GABRG3: variants seen among roughly 807,000 people sequenced by gnomAD.
The protein encoded by GABRG3 is gamma-aminobutyric acid type A receptor subunit gamma3, also known as gamma-aminobutyric acid receptor subunit gamma-3.
A neutral mutation model predicts 48.8 loss-of-function variants in GABRG3; 25 were observed. The observed-to-expected ratio is 0.51, with a 90% CI of 0.37 to 0.72. The LOEUF is 0.72. Among genes scored for constraint, GABRG3 ranks in the 30% least tolerant of loss-of-function variants. GABRG3 has a pLI of 0.00. For synonymous variants in GABRG3, 227 were observed against 217.6 expected, an observed-to-expected ratio of 1.04 and a Z score of -0.38; for missense variants, 394 against 577.9, an observed-to-expected ratio of 0.68 and a Z score of 3.26.
intron 3 of GABRG3, among the ~76,000 whole-genome samples, chr15:27,234,008 C>T (rs1566974328): frequency 6.6e-6 from 1 of 152,146 alleles, no homozygotes; most frequent in Non-Finnish European, 1.5e-5. Context: ...CAGACAATCA[C>T]CTATGGGAGA....
In GABRG3 at chr15:27,387,360, G is replaced by A. The variant is rs539551486; in HGVS notation, c.574+58472G>A. Among the ~76,000 whole-genome samples the A allele has an allele frequency of 2.6e-5, 4 of 152,098 alleles. No individual in the cohort carries two copies. The East Asian group carries it at 5.8e-4, about 22-fold the overall frequency. The stretch of plus-strand genomic sequence containing the variant: ...TCTATTGTTTTAGCAAGAAATAAAT[G>A]GGTTAGTTTTTGAGTGCACATTCTG... On this transcript the variant is annotated intron_variant, in intron 5 of 9. Coordinates refer to ENST00000615808, the MANE Select transcript of GABRG3 (RefSeq NM_033223.5).
intron 6 of GABRG3, among the ~76,000 whole-genome samples, chr15:27,509,895 TG>T (rs1399869160): frequency 3.3e-5 from 5 of 152,256 alleles, no homozygotes; most frequent in African/African-American, 1.2e-4. Flanking sequence ...TTTTGGTTTT[TG>T]TATGTCCCAT....
chr15:27,024,050 T>C (rs2140680019), intron 2 of GABRG3, among the ~76,000 whole-genome samples: 1 of 152,356 alleles, frequency 6.6e-6, no homozygotes, highest in East Asian at 1.9e-4. Context: ...GTGGTTTTGA[T>C]TTGCATTTCC....
chr15:27,351,092 G>A (rs1894559269), intron 5 of GABRG3, among the ~76,000 whole-genome samples: 1 of 149,782 alleles, frequency 6.7e-6, no homozygotes, highest in East Asian at 2.0e-4. Flanking sequence ...TATAGTGTGT[G>A]TATGGTGTGT....
intron 3 of GABRG3, among the ~76,000 whole-genome samples, chr15:27,204,126 TC>T (rs1888776496): frequency 6.6e-6 from 1 of 152,070 alleles, no homozygotes; most frequent in African/African-American, 2.4e-5. Context: ...TTTGCCACAG[TC>T]CATGTCCAGT....
Position 26,971,928 on chromosome 15 carries a change from T to C in GABRG3, c.53+340T>C, listed in dbSNP as rs919317106. Among the ~76,000 whole-genome samples the C allele has an allele frequency of 2.6e-5, 4 of 152,090 alleles. No individual in the cohort carries two copies. In the East Asian group the frequency reaches 7.7e-4, roughly 29 times the overall value. On this transcript the variant is annotated intron_variant, in intron 1 of 9. Coordinates refer to ENST00000615808, the MANE Select transcript of GABRG3 (RefSeq NM_033223.5). ...ACCGACCCCTAATTCCCACCTCAGC[T>C]GTTTCAGGGGCTCACACACACACAC...
intron 3 of GABRG3, among the ~76,000 whole-genome samples, chr15:27,166,926 G>T (rs145308955): frequency 3.7e-4 from 56 of 152,232 alleles, no homozygotes; most frequent in African/African-American, 1.3e-3. Context: ...GTTGCAACAA[G>T]ACTCTTTATT....
intron 3 of GABRG3, among the ~76,000 whole-genome samples, chr15:27,088,918 C>G (rs1369371457): frequency 6.6e-6 from 1 of 152,032 alleles, no homozygotes; most frequent in Non-Finnish European, 1.5e-5. Context: ...AGGATCACAG[C>G]CTTGGCTGGG....
chr15:27,374,649 G>A (rs1442518905), intron 5 of GABRG3, among the ~76,000 whole-genome samples: 1 of 152,146 alleles, frequency 6.6e-6, no homozygotes, highest in Non-Finnish European at 1.5e-5. Flanking sequence ...AGGTGACCAA[G>A]GAAGCAAAGG....
At chr15:26,986,896 T>C (rs1302462503) in intron 2 of GABRG3, among the ~76,000 whole-genome samples, 3 of 152,186 alleles carry the variant, frequency 2.0e-5, no homozygotes, top group African/African-American at 7.2e-5. Flanking sequence ...ATCCCACCAG[T>C]TACCAGCAGG....
intron 3 of GABRG3, among the ~76,000 whole-genome samples, chr15:27,161,766 C>A (rs1185310790): frequency 6.6e-6 from 1 of 151,992 alleles, no homozygotes; most frequent in East Asian, 1.9e-4. Flanking sequence ...ATACTGATAT[C>A]TAGTTGCTAC....
intron 3 of GABRG3, among the ~76,000 whole-genome samples, chr15:27,094,265 C>T (rs1045140585): frequency 6.6e-6 from 1 of 152,128 alleles, no homozygotes; most frequent in African/African-American, 2.4e-5. Context: ...CCTCATTACT[C>T]CTTTGGAGAC....
intron 3 of GABRG3, among the ~76,000 whole-genome samples, chr15:27,285,671 C>T (rs1405890798): frequency 1.3e-5 from 2 of 152,152 alleles, no homozygotes; most frequent in Non-Finnish European, 2.9e-5. Flanking sequence ...GACAGAGGCA[C>T]TGCCATTAGA....
intron 1 of GABRG3, 88 bp downstream of exon 1, chr15:26,971,676 C>T (rs1423250872): frequency 7.1e-7 from 1 of 1,399,112 alleles, no homozygotes; most frequent in Non-Finnish European, 9.3e-7. Flanking sequence ...CCCTGGCGCG[C>T]CAGCCGTCGG....
At chr15:27,125,172 A>G (rs897106477) in intron 3 of GABRG3, among the ~76,000 whole-genome samples, 1 of 152,250 alleles carries the variant, frequency 6.6e-6, no homozygotes, top group Non-Finnish European at 1.5e-5. Flanking sequence ...AATGAAATGT[A>G]TCGCTGTTTT....
intron 2 of GABRG3, among the ~76,000 whole-genome samples, chr15:26,994,866 C>G (rs1057379509): frequency 6.6e-6 from 1 of 151,842 alleles, no homozygotes; most frequent in East Asian, 1.9e-4. Context: ...TGTTTTATGG[C>G]TTAGCATAAG....
chr15:27,179,139 G>A lies in GABRG3; in HGVS notation c.271-147670G>A, dbSNP rs918509440. On this transcript the variant is annotated intron_variant, in intron 3 of 9. Coordinates refer to ENST00000615808, the MANE Select transcript of GABRG3 (RefSeq NM_033223.5). The surrounding 1 kb of genome is among the most constrained non-coding windows in gnomAD (Gnocchi z 4.0). ...AAACAAATAAACAAAGAAAACTCATGGAAGCTTACAAGTCAGAAATTATGA... is the reference window on the plus strand; with the variant it reads ...AAACAAATAAACAAAGAAAACTCATAGAAGCTTACAAGTCAGAAATTATGA... 6.6e-6 allele frequency among the ~76,000 whole-genome samples: 1 copy of A among 152,132 alleles called. No individual in the cohort carries two copies. The highest frequency in any genetic ancestry group is 1.5e-5 in the Non-Finnish European group (1 of 68,006).
intron 2 of GABRG3, among the ~76,000 whole-genome samples, chr15:26,988,143 T>C (rs1895183713): frequency 3.3e-5 from 5 of 152,208 alleles, no homozygotes; most frequent in Admixed American, 3.3e-4. Context: ...TGCAGTTGTT[T>C]CATAAATTAG....
At chr15:27,121,097 C>A (rs1897723205) in intron 3 of GABRG3, among the ~76,000 whole-genome samples, 1 of 152,122 alleles carries the variant, frequency 6.6e-6, no homozygotes. Flanking sequence ...TAGCAAAATT[C>A]TTTTAGACAA....
Sources: allele counts gnomAD v4.1 joint callset (sites outside exome capture counted in the v4.1 genomes callset), GRCh38; gene constraint gnomAD v4.1.1; non-coding constraint Gnocchi (gnomAD v3.1); transcripts MANE v1.5; gene names NCBI Gene and HGNC (gene_info 2026-07-23, HGNC 2026-07-21).